ARHGEF3: variants seen among roughly 807,000 people sequenced by gnomAD.
ARHGEF3 encodes Rho guanine nucleotide exchange factor 3, also known as 59.8 kDA protein.
ARHGEF3 carries 28 observed loss-of-function variants against 63.2 expected under a neutral mutation model. That is an observed-to-expected ratio of 0.44 (90% CI 0.33 to 0.61). ARHGEF3 has a LOEUF of 0.61. Among genes scored for constraint, ARHGEF3 ranks in the 20% least tolerant of loss-of-function variants. The pLI is 0.03. For synonymous variants in ARHGEF3, 266 were observed against 254.2 expected (o/e 1.05, Z -0.44); for missense variants, 533 against 659.3 (o/e 0.81, Z 2.10).
At chr3:56,945,198 G>C (rs547687731) in intron 3 of ARHGEF3, among the ~76,000 whole-genome samples, 8 of 152,294 alleles carry the variant, frequency 5.3e-5, no homozygotes, top group Admixed American at 4.6e-4. Context: ...GAGTGATGCA[G>C]AAGACGGGTG....
At chr3:56,976,609 T>C in intron 2 of ARHGEF3, among the ~76,000 whole-genome samples, 1 of 152,194 alleles carries the variant, frequency 6.6e-6, no homozygotes. Flanking sequence ...GTTCTGTTGA[T>C]CCTAACAGTT....
intron 4 of ARHGEF3, among the ~76,000 whole-genome samples, chr3:56,873,046 T>G (rs2040479964): frequency 1.3e-5 from 2 of 152,156 alleles, no homozygotes; most frequent in Non-Finnish European, 2.9e-5. Flanking sequence ...ACACCTAGGC[T>G]GGAGTGCAGT....
chr3:56,744,861 AT>A (rs146467039), intron 7 of ARHGEF3, among the ~76,000 whole-genome samples: 8,015 of 152,170 alleles, frequency 0.053, 342 homozygotes, highest in East Asian at 0.2. Context: ...GCAACTTACT[AT>A]TTTCTAACTA....
intron 4 of ARHGEF3, among the ~76,000 whole-genome samples, chr3:56,833,912 T>C (rs1407460036): frequency 1.9e-5 from 2 of 104,794 alleles, no homozygotes; most frequent in Non-Finnish European, 3.9e-5. Context: ...CCAATATTCT[T>C]TGTTTTCCCC....
At chr3:57,014,951 C>T (rs545562598) in intron 2 of ARHGEF3, among the ~76,000 whole-genome samples, 1 of 152,168 alleles carries the variant, frequency 6.6e-6, no homozygotes, top group African/African-American at 2.4e-5. Context: ...TCCCAAAGTG[C>T]TGGGACTACA....
chr3:56,938,890 G>A (rs1034429394), intron 3 of ARHGEF3: 1 of 152,248 alleles, frequency 6.6e-6, no homozygotes, highest in South Asian at 2.1e-4. Context: ...ACTGTACAGA[G>A]AGATAGGACA....
intron 2 of ARHGEF3, among the ~76,000 whole-genome samples, chr3:56,768,040 G>A (rs1335820300): frequency 1.3e-5 from 2 of 151,052 alleles, no homozygotes; most frequent in Admixed American, 6.6e-5. Flanking sequence ...GAGCCACCAT[G>A]CCCAGCCCCA....
intron 4 of ARHGEF3, among the ~76,000 whole-genome samples, chr3:56,869,048 C>T (rs1348470909): frequency 3.0e-4 from 45 of 152,116 alleles, no homozygotes; most frequent in Admixed American, 2.6e-3. Context: ...CCAGCAAAAT[C>T]GTCCCTTTCC....
At position 56,946,644 on chromosome 3, in the gene ARHGEF3, C is replaced by T. The variant is rs970467384; in HGVS notation, c.129+12179G>A. ...GGAGTATGTGAAAAGACCAATTCTACGTCTGGTTGGTGTACCTGAAAGTGA... is the reference window on the plus strand; with the variant it reads ...GGAGTATGTGAAAAGACCAATTCTATGTCTGGTTGGTGTACCTGAAAGTGA... On this transcript the variant is annotated intron_variant, in intron 3 of 12. Coordinates refer to the ARHGEF3 transcript ENST00000338458. Among the ~76,000 whole-genome samples, 12 of 152,172 alleles carry T rather than the reference C, an allele frequency of 7.9e-5. No homozygotes were observed. The South Asian group carries it at 2.1e-3, about 26-fold the overall frequency.
chr3:56,833,794 CAA>C (rs1309206705), intron 4 of ARHGEF3, among the ~76,000 whole-genome samples: 3 of 152,144 alleles, frequency 2.0e-5, no homozygotes, highest in Non-Finnish European at 2.9e-5. Context: ...TTTGGAAAAG[CAA>C]ATGCAAATTT....
chr3:57,003,139 C>CGTGCCTTTATA (rs1256106102), intron 2 of ARHGEF3, among the ~76,000 whole-genome samples: 2 of 151,540 alleles, frequency 1.3e-5, no homozygotes, highest in Non-Finnish European at 2.9e-5. Context: ...GGCGCAGTGG[C>CGTGCCTTTATA]TCACGCTTAT....
At chr3:56,895,847 A>G (rs951982031) in intron 3 of ARHGEF3, among the ~76,000 whole-genome samples, 14 of 152,202 alleles carry the variant, frequency 9.2e-5, no homozygotes, top group Admixed American at 7.2e-4. Flanking sequence ...ACTGAGAGAC[A>G]GGGGCATCTT....
intron 7 of ARHGEF3, among the ~76,000 whole-genome samples, chr3:56,741,569 T>C (rs1011555254): frequency 9.7e-5 from 12 of 123,190 alleles, no homozygotes; most frequent in African/African-American, 3.1e-4. Context: ...GCAGTGGCAA[T>C]CTCGGCTCAC....
At chr3:56,764,753 CA>C (rs2035609547) in intron 2 of ARHGEF3, among the ~76,000 whole-genome samples, 2 of 135,996 alleles carry the variant, frequency 1.5e-5, no homozygotes, top group South Asian at 5.1e-4. Context: ...CAATAGTCAA[CA>C]AATTTTTTTT....
intron 4 of ARHGEF3, among the ~76,000 whole-genome samples, chr3:56,849,737 A>T (rs2039610285): frequency 6.6e-6 from 1 of 152,112 alleles, no homozygotes; most frequent in African/African-American, 2.4e-5. Context: ...TATCAATCTT[A>T]AAGTAGCACA....
chr3:56,980,497 C>T (rs894110226), intron 2 of ARHGEF3, among the ~76,000 whole-genome samples: 1 of 152,148 alleles, frequency 6.6e-6, no homozygotes, highest in East Asian at 1.9e-4. Flanking sequence ...CATTGTGGGT[C>T]GGGACCATAT....
chr3:56,794,687 T>A (rs973025434), intron 1 of ARHGEF3, among the ~76,000 whole-genome samples: 4 of 152,138 alleles, frequency 2.6e-5, no homozygotes, highest in African/African-American at 9.7e-5. Flanking sequence ...TGATATAAAA[T>A]GGCATACTGT....
intron 2 of ARHGEF3, among the ~76,000 whole-genome samples, chr3:57,022,371 T>C (rs9841886): frequency 2.0e-5 from 3 of 151,408 alleles, no homozygotes; most frequent in Non-Finnish European, 4.4e-5. Context: ...CTGATCAGAC[T>C]GATCCACACG....
intron 8 of ARHGEF3, among the ~76,000 whole-genome samples, chr3:56,732,837 A>G (rs2033274194): frequency 6.6e-6 from 1 of 152,232 alleles, no homozygotes; most frequent in Non-Finnish European, 1.5e-5. Flanking sequence ...ACTTTAGTTT[A>G]TATTACTCAA....
Sources: gnomAD v4.1 joint callset for allele counts (sites outside exome capture counted in the v4.1 genomes callset) on GRCh38, gnomAD v4.1.1 for gene constraint, MANE v1.5 for transcripts, NCBI Gene and HGNC (gene_info 2026-07-23, HGNC 2026-07-21) for gene names.